The following POMC variants were observed in gnomAD, a reference collection of about 807,000 sequenced individuals.
POMC encodes pro-opiomelanocortin.
POMC carries 19 observed loss-of-function variants against 18.5 expected under a neutral mutation model. The ratio of observed to expected loss-of-function variants is 1.03; its 90% CI spans 0.72 to 1.51. POMC has a LOEUF of 1.51. Ranked by LOEUF, POMC falls within the 40% of genes most tolerant of loss-of-function variation. The pLI, the probability that POMC is intolerant of heterozygous loss-of-function variation, is 0.00. For synonymous variants in POMC, 179 were observed against 161.9 expected (o/e 1.11, Z -0.80); for missense variants, 451 against 379.0 (o/e 1.19, Z -1.58).
In POMC at chr2:25,161,678, A is replaced by C; in HGVS notation, c.207T>G (p.Pro69=). 2.5e-6 allele frequency: 4 copies of C among 1,570,604 alleles called. No individual in the cohort carries two copies. Among genetic ancestry groups the C allele is most frequent in the Non-Finnish European group, 3.5e-6 (4 of 1,159,026 alleles). Residue 69 remains proline, a synonymous_variant, in exon 3 of 3, where the codon CCT becomes CCG. Coordinates refer to ENST00000395826, the MANE Select transcript of POMC (RefSeq NM_000939.4). The surrounding 1 kb of genome is among the most constrained non-coding windows in gnomAD (Gnocchi z 5.7). The part of the protein sequence containing the change: ...PMFPGNGDEQ[P]LTENPRKYVM... ...CGTACTTCCGGGGGTTCTCGGTCAGAGGCTGCTCGTCGCCATTTCCCGGGA... is the reference window on the plus strand; with the variant it reads ...CGTACTTCCGGGGGTTCTCGGTCAGCGGCTGCTCGTCGCCATTTCCCGGGA...
rs766097368 is a variant in POMC at position 25,161,156 on chromosome 2, G to A, written c.729C>T (p.Ser243=). Residue 243 remains serine (S), a synonymous_variant, in exon 3 of 3, where the codon TCC becomes TCT. Coordinates refer to ENST00000395826, the MANE Select transcript of POMC (RefSeq NM_000939.4). This position sits in a 1 kb window ranked among gnomAD's most constrained non-coding sequence, Gnocchi z 5.7. ...KDKRYGGFMT[S]EKSQTPLVTL... is the part of the protein sequence containing the mutation. ...TCACCAGGGGCGTCTGGCTCTTCTC[G>A]GAGGTCATGAAACCGCCGTAGCGCT... The A allele has an allele frequency of 2.9e-5, 47 of 1,613,792 alleles. No homozygotes were observed. The highest frequency in any genetic ancestry group is 5.0e-5 in the Admixed American group (3 of 59,994).
chr2:25,162,408 C>T (rs562957416), intron 2 of POMC, among the ~76,000 whole-genome samples: 30 of 152,096 alleles, frequency 2.0e-4, no homozygotes, highest in Admixed American at 5.9e-4. Context: ...CAAGATCACA[C>T]CACTGCACTC....
chr2:25,163,433 G>T (rs1249652118), intron 2 of POMC, among the ~76,000 whole-genome samples: 1 of 152,142 alleles, frequency 6.6e-6, no homozygotes, highest in African/African-American at 2.4e-5. Flanking sequence ...TGGGCTCTTT[G>T]TTTCTATTTT....
At position 25,161,792 on chromosome 2, in the gene POMC, C is replaced by T. The variant is rs1329655532; in HGVS notation, c.133-40G>A. On this transcript the variant is annotated intron_variant, in intron 2 of 2. Transcript: ENST00000395826. This position sits in a 1 kb window ranked among gnomAD's most constrained non-coding sequence, Gnocchi z 5.7. ...GAGGGCATGAGGGCAGCCCGTGCCC[C>T]GCACCCCGGCCCGGCTGCCGCGCCC... 1.9e-6 allele frequency: 3 copies of T among 1,548,908 alleles called. No individual in the cohort carries two copies. Among genetic ancestry groups the T allele is most frequent in the Non-Finnish European group, 1.7e-6 (2 of 1,149,048 alleles).
chr2:25,164,906 G>A, intron 1 of POMC, 114 bp from the exon 2 acceptor site: 1 of 1,122,176 alleles, frequency 8.9e-7, no homozygotes, highest in Non-Finnish European at 1.3e-6. Flanking sequence ...TGGAGTTAAA[G>A]GCATTTTAAG....
chr2:25,163,952 G>A (rs1473360220), intron 2 of POMC, among the ~76,000 whole-genome samples: 1 of 151,808 alleles, frequency 6.6e-6, no homozygotes, highest in Non-Finnish European at 1.5e-5. Flanking sequence ...CTCTGGATTT[G>A]GCATCATTAC....
chr2:25,160,952 A>G lies in POMC; in HGVS notation c.*129T>C. The G allele has an allele frequency of 7.0e-7, 1 of 1,432,096 alleles. No homozygotes were observed. The highest frequency in any genetic ancestry group is 2.3e-5 in the East Asian group (1 of 42,956). 88.7% of individuals were successfully genotyped at this position (1,432,096 alleles called of 1,614,324 possible). Reference sequence around the variant, plus strand: ...TTGAAAGGTTTTATTTCCTAACTACAGGCAGCTTTAAGAGGCTGATTATCT... The same window carrying G: ...TTGAAAGGTTTTATTTCCTAACTACGGGCAGCTTTAAGAGGCTGATTATCT... On this transcript the variant is annotated 3_prime_UTR_variant, in exon 3 of 3. Coordinates refer to ENST00000395826, the MANE Select transcript of POMC (RefSeq NM_000939.4).
intron 2 of POMC, among the ~76,000 whole-genome samples, chr2:25,163,422 C>G (rs972281539): frequency 6.6e-6 from 1 of 152,182 alleles, no homozygotes; most frequent in Non-Finnish European, 1.5e-5. Flanking sequence ...ACAGAATCCC[C>G]TGGGCTCTTT....
At chr2:25,165,978 C>T (rs1671541230) in intron 1 of POMC, among the ~76,000 whole-genome samples, 1 of 152,258 alleles carries the variant, frequency 6.6e-6, no homozygotes, top group African/African-American at 2.4e-5. Context: ...CTTGTCACTC[C>T]TAATGAACGC....
At chr2:25,167,485 A>C (rs1291295903) in intron 1 of POMC, among the ~76,000 whole-genome samples, 2 of 152,124 alleles carry the variant, frequency 1.3e-5, no homozygotes, top group Non-Finnish European at 2.9e-5. Context: ...CTGCGCCATA[A>C]ACCGTCCACC....
chr2:25,161,273 G>A lies in POMC; in HGVS notation c.612C>T (p.Asp204=), dbSNP rs1241811750. 5.0e-6 allele frequency: 8 copies of A among 1,611,590 alleles called. No homozygotes were observed. The highest frequency in any genetic ancestry group is 6.8e-6 in the Non-Finnish European group (8 of 1,178,998). The change falls in exon 3 of 3, where the codon GAC becomes GAT. Residue 204 remains aspartate, a synonymous_variant. Transcript: ENST00000395826. The surrounding 1 kb of genome is among the most constrained non-coding windows in gnomAD (Gnocchi z 5.7). ...PADDGAGAQA[D]LEHSLLVAAE... ...CCGCCACCAGCAGGCTGTGCTCCAG[G>A]TCGGCCTGGGCCCCTGCGCCGTCAT...
intron 1 of POMC, among the ~76,000 whole-genome samples, chr2:25,167,456 C>G (rs1671593752): frequency 6.6e-6 from 1 of 152,154 alleles, no homozygotes. Flanking sequence ...AATGGCTGCC[C>G]GTGCCCTCAA....
In POMC at chr2:25,164,677, G is replaced by T. The variant is rs1323038048; in HGVS notation, c.96C>A (p.Ser32Arg). 1 of 1,614,034 alleles carries T rather than the reference G, an allele frequency of 6.2e-7. No individual in the cohort carries two copies. The highest frequency in any genetic ancestry group is 8.5e-7 in the Non-Finnish European group (1 of 1,180,030). Residue 32 changes from serine to arginine, a missense_variant, in exon 2 of 3, where the codon AGC (serine) becomes AGA (arginine). Coordinates refer to ENST00000395826, the MANE Select transcript of POMC (RefSeq NM_000939.4). The part of the protein sequence containing the change: ...MEVRGWCLES[S>R]QCQDLTTESN... ...TTTCCGTGGTGAGGTCCTGACACTGGCTGCTCTCCAGGCACCAGCCACGCA... is the reference window on the plus strand; with the variant it reads ...TTTCCGTGGTGAGGTCCTGACACTGTCTGCTCTCCAGGCACCAGCCACGCA...
Position 25,160,890 on chromosome 2 carries a change from C to T in POMC, c.*191G>A. On this transcript the variant is annotated 3_prime_UTR_variant, in exon 3 of 3. Coordinates refer to ENST00000395826, the MANE Select transcript of POMC (RefSeq NM_000939.4). The stretch of plus-strand genomic sequence containing the variant: ...CGGCTACGTATTTTTACTTTATTCA[C>T]ACAGTTTACATTCAAAGTCAGAGGT... The T allele has an allele frequency of 1.1e-6, 1 of 935,160 alleles. No homozygotes were observed. 57.9% of individuals were successfully genotyped at this position (935,160 alleles called of 1,614,324 possible). A position where few individuals can be genotyped will look rare whatever the true frequency, so the allele number is the denominator to read the frequency against.
intron 2 of POMC, among the ~76,000 whole-genome samples, chr2:25,164,217 T>G (rs569504430): frequency 6.6e-6 from 1 of 152,206 alleles, no homozygotes; most frequent in East Asian, 1.9e-4. Flanking sequence ...TGGCTGGTTT[T>G]GCAACCGGTA....
chr2:25,161,182 T>C lies in POMC; in HGVS notation c.703A>G (p.Lys235Glu). The C allele has an allele frequency of 1.9e-6, 3 of 1,613,870 alleles. No individual in the cohort carries two copies. Among genetic ancestry groups the C allele is most frequent in the Middle Eastern group, 1.7e-4 (1 of 6,060 alleles). ...HFRWGSPPKD[K>E]RYGGFMTSEK... ...GAGGTCATGAAACCGCCGTAGCGCT[T>C]GTCCTTGGGCGGGCTGCCCCAGCGG... is the stretch of plus-strand genomic sequence containing the variant. The change falls in exon 3 of 3, where the codon AAG becomes GAG. Residue 235 changes from lysine (K) to glutamate (E), a missense_variant. Lys to Glu is a moderately conservative substitution (Grantham distance 56). Transcript: ENST00000395826. The surrounding 1 kb of genome is among the most constrained non-coding windows in gnomAD (Gnocchi z 5.7).
Position 25,161,300 on chromosome 2 carries a change from G to C in POMC, c.585C>G (p.Ala195=), listed in dbSNP as rs2071345. 23 of 1,609,950 alleles carry C rather than the reference G, an allele frequency of 1.4e-5. No individual in the cohort carries two copies. In the South Asian group the frequency reaches 2.2e-4, roughly 15 times the overall value. Residue 195 remains alanine, a synonymous_variant, in exon 3 of 3, where the codon GCC becomes GCG. Coordinates refer to ENST00000395826, the MANE Select transcript of POMC (RefSeq NM_000939.4). The surrounding 1 kb of genome is among the most constrained non-coding windows in gnomAD (Gnocchi z 5.7). ...CGGCCTGGGCCCCTGCGCCGTCATCGGCAGGGCCGTCGGGGCCATCTCCCT... is the reference window on the plus strand; with the variant it reads ...CGGCCTGGGCCCCTGCGCCGTCATCCGCAGGGCCGTCGGGGCCATCTCCCT... ...LREGDGPDGP[A]DDGAGAQADL...
Position 25,161,482 on chromosome 2 carries a change from C to T in POMC, c.403G>A (p.Gly135Ser), listed in dbSNP as rs1198838599. The T allele has an allele frequency of 5.6e-6, 9 of 1,607,068 alleles. No individual in the cohort carries two copies. The highest frequency in any genetic ancestry group is 7.6e-6 in the Non-Finnish European group (9 of 1,177,770). The change falls in exon 3 of 3, where the codon GGC (glycine) becomes AGC (serine). Residue 135 changes from glycine to serine, a missense_variant. Gly to Ser is a moderately conservative substitution (Grantham distance 56, BLOSUM62 0). Coordinates refer to ENST00000395826, the MANE Select transcript of POMC (RefSeq NM_000939.4). The surrounding 1 kb of genome is among the most constrained non-coding windows in gnomAD (Gnocchi z 5.7). ...TGCTCCATGGAGTAGGAGCGCTTGC[C>T]CTCGCGCGGGCCCGGCTTGGCACCA... ...SDGAKPGPRE[G>S]KRSYSMEHFR... is the part of the protein sequence containing the mutation.
In POMC at chr2:25,161,867, G is replaced by C; in HGVS notation, c.133-115C>G. On this transcript the variant is annotated intron_variant, in intron 2 of 2. Coordinates refer to ENST00000395826, the MANE Select transcript of POMC (RefSeq NM_000939.4). This position sits in a 1 kb window ranked among gnomAD's most constrained non-coding sequence, Gnocchi z 5.7. ...CCCTCGCCACGTGCCGAGGACACAG[G>C]GCACAGTGTCGGGCGTGTCAAGCGT... is the stretch of plus-strand genomic sequence containing the variant. The C allele has an allele frequency of 7.0e-7, 1 of 1,438,110 alleles. No individual in the cohort carries two copies. The highest frequency in any genetic ancestry group is 9.1e-7 in the Non-Finnish European group (1 of 1,099,202). The allele number at this position is 1,438,110 out of a possible 1,614,324, so 89.1% of individuals were successfully genotyped here.
Sources: gnomAD v4.1 joint callset for allele counts (sites outside exome capture counted in the v4.1 genomes callset) on GRCh38, gnomAD v4.1.1 for gene constraint, Gnocchi (gnomAD v3.1) non-coding constraint, MANE v1.5 for transcripts, NCBI Gene and HGNC (gene_info 2026-07-23, HGNC 2026-07-21) for gene names.